RNF150: variants seen among roughly 807,000 people sequenced by gnomAD.
RNF150 encodes the protein ring finger protein 150.
A neutral mutation model predicts 39.3 loss-of-function variants in RNF150; 24 were observed. The observed-to-expected ratio is 0.61, with a 90% CI of 0.44 to 0.86. The LOEUF is 0.86. Among genes scored for constraint, RNF150 ranks in the 40% least tolerant of loss-of-function variants. RNF150 has a pLI of 0.00. For missense variants in RNF150, 502 were observed against 587.8 expected, an observed-to-expected ratio of 0.85 and a Z score of 1.51; for synonymous variants, 255 against 227.3, an observed-to-expected ratio of 1.12 and a Z score of -1.10.
chr4:141,131,731 G>A (rs1726895172), intron 1 of RNF150, among the ~76,000 whole-genome samples: 1 of 152,168 alleles, frequency 6.6e-6, no homozygotes, highest in African/African-American at 2.4e-5. Flanking sequence ...GCTTGTTGAG[G>A]ATTGTTATTA....
intron 6 of RNF150, among the ~76,000 whole-genome samples, chr4:140,910,728 C>G (rs1231396703): frequency 6.6e-6 from 1 of 152,108 alleles, no homozygotes; most frequent in Non-Finnish European, 1.5e-5. Flanking sequence ...TGTGTACACA[C>G]ATGCGAGCAT....
chr4:140,903,175 A>C (rs1045483742), intron 6 of RNF150, among the ~76,000 whole-genome samples: 27 of 152,194 alleles, frequency 1.8e-4, no homozygotes, highest in Admixed American at 5.2e-4. Flanking sequence ...AGCTAACTGG[A>C]GGCCAAACCA....
At chr4:140,927,844 T>A (rs1038063674) in intron 4 of RNF150, among the ~76,000 whole-genome samples, 2 of 151,828 alleles carry the variant, frequency 1.3e-5, no homozygotes, top group African/African-American at 4.9e-5. Flanking sequence ...AGACGGGGTT[T>A]TGCCATGTTG....
At chr4:141,113,487 C>T (rs1388979814) in intron 1 of RNF150, among the ~76,000 whole-genome samples, 3 of 152,226 alleles carry the variant, frequency 2.0e-5, no homozygotes, top group South Asian at 2.1e-4. Flanking sequence ...AATATATATG[C>T]ACCCATTACA....
intron 6 of RNF150, among the ~76,000 whole-genome samples, chr4:140,894,181 T>C (rs1729856612): frequency 6.6e-6 from 1 of 152,202 alleles, no homozygotes; most frequent in South Asian, 2.1e-4. Context: ...TTTACATCTG[T>C]TCAAACCTAA....
chr4:140,930,088 G>A (rs888787853), intron 4 of RNF150, among the ~76,000 whole-genome samples: 1 of 151,090 alleles, frequency 6.6e-6, no homozygotes, highest in African/African-American at 2.4e-5. Flanking sequence ...TTGAACCTGG[G>A]AGGTGGAGGT....
intron 5 of RNF150, among the ~76,000 whole-genome samples, chr4:140,918,186 AAAATC>A (rs1730927928): frequency 6.6e-6 from 1 of 152,334 alleles, no homozygotes; most frequent in African/African-American, 2.4e-5. Context: ...AGAAATAACT[AAAATC>A]AGAGCAGAAC....
rs182973739 is a variant in RNF150 at position 140,962,372 on chromosome 4, T to C, written c.735+5251A>G. Among the ~76,000 whole-genome samples the C allele has an allele frequency of 3.3e-5, 5 of 151,894 alleles. No homozygotes were observed. The East Asian group carries it at 9.6e-4, about 29-fold the overall frequency. ...CCATATGGCAGTGCATATGTGCATATATAAGACATATATATATACACACAC... is the reference window on the plus strand; with the variant it reads ...CCATATGGCAGTGCATATGTGCATACATAAGACATATATATATACACACAC... On this transcript the variant is annotated intron_variant, in intron 2 of 6. Coordinates refer to ENST00000515673, the MANE Select transcript of RNF150 (RefSeq NM_020724.2).
At chr4:140,939,766 T>C (rs1267555640) in intron 4 of RNF150, among the ~76,000 whole-genome samples, 1 of 152,142 alleles carries the variant, frequency 6.6e-6, no homozygotes, top group African/African-American at 2.4e-5. Context: ...AGAATTCAAA[T>C]GGAAAGACAT....
intron 1 of RNF150, among the ~76,000 whole-genome samples, chr4:141,146,456 G>T (rs1029177015): frequency 1.2e-4 from 19 of 152,160 alleles, no homozygotes; most frequent in African/African-American, 4.6e-4. Flanking sequence ...ATATGAGTAT[G>T]ATCCCATAAC....
intron 1 of RNF150, among the ~76,000 whole-genome samples, chr4:141,052,574 C>G (rs966597875): frequency 2.0e-5 from 3 of 152,110 alleles, no homozygotes; most frequent in African/African-American, 7.2e-5. Context: ...TGGGGTTTCA[C>G]TACGTTGGCC....
At chr4:140,978,212 T>C in intron 1 of RNF150, among the ~76,000 whole-genome samples, 1 of 152,296 alleles carries the variant, frequency 6.6e-6, no homozygotes, top group African/African-American at 2.4e-5. Flanking sequence ...CTGGTTAATC[T>C]GTGCTCCCCC....
intron 1 of RNF150, among the ~76,000 whole-genome samples, chr4:141,064,046 A>C (rs1471786536): frequency 2.0e-5 from 3 of 152,018 alleles, no homozygotes; most frequent in African/African-American, 7.2e-5. Context: ...ATGAAAGTTA[A>C]AAAACGGCCT....
chr4:141,136,355 G>GA (rs150843030), upstream of RNF150, among the ~76,000 whole-genome samples: 4,485 of 150,504 alleles, frequency 0.03, 203 homozygotes, highest in African/African-American at 0.098. Flanking sequence ...AAATGGTTCA[G>GA]AAAAAAAAAT....
At chr4:141,095,030 C>A (rs896558451) in intron 1 of RNF150, among the ~76,000 whole-genome samples, 1 of 152,174 alleles carries the variant, frequency 6.6e-6, no homozygotes, top group Non-Finnish European at 1.5e-5. Context: ...TTGACCCTAT[C>A]AGAGAGCTGA....
At position 140,957,625 on chromosome 4, in the gene RNF150, C is replaced by T. The variant is rs531180586; in HGVS notation, c.736-8253G>A. Among the ~76,000 whole-genome samples the T allele has an allele frequency of 1.3e-4, 20 of 151,924 alleles. 1 individual carries two copies. In the East Asian group the frequency reaches 3.9e-3, roughly 29 times the overall value. ...CGTATGTTTATTGCGGCATTATTCACAATAGCAAAGACTTGGAACCAACCC... is the reference window on the plus strand; with the variant it reads ...CGTATGTTTATTGCGGCATTATTCATAATAGCAAAGACTTGGAACCAACCC... On this transcript the variant is annotated intron_variant, in intron 2 of 6. Coordinates refer to ENST00000515673, the MANE Select transcript of RNF150 (RefSeq NM_020724.2).
intron 1 of RNF150, among the ~76,000 whole-genome samples, chr4:141,184,877 G>GTGTGTA (rs1324525761): frequency 6.6e-6 from 1 of 150,828 alleles, no homozygotes; most frequent in South Asian, 2.1e-4. Context: ...CTGTGTGTGT[G>GTGTGTA]TGTGTGTGTG....
At chr4:140,971,136 G>GAT (rs1733447051) in intron 1 of RNF150, among the ~76,000 whole-genome samples, 1 of 152,110 alleles carries the variant, frequency 6.6e-6, no homozygotes, top group Non-Finnish European at 1.5e-5. Flanking sequence ...CATGTGCACT[G>GAT]ATATGAGTAT....
At chr4:140,959,094 T>C (rs536121083) in intron 2 of RNF150, among the ~76,000 whole-genome samples, 2 of 152,112 alleles carry the variant, frequency 1.3e-5, no homozygotes, top group African/African-American at 2.4e-5. Flanking sequence ...ATTTTTATGA[T>C]AAATCTGGCT....
Sources: gnomAD v4.1 joint callset for allele counts (sites outside exome capture counted in the v4.1 genomes callset) on GRCh38, gnomAD v4.1.1 for gene constraint, MANE v1.5 for transcripts, NCBI Gene and HGNC (gene_info 2026-07-23, HGNC 2026-07-21) for gene names.